Variants in FMN2 observed in about 807,000 individuals in gnomAD.
The protein encoded by FMN2 is formin-2.
FMN2 carries 51 observed loss-of-function variants against 142.3 expected under a neutral mutation model. That is an observed-to-expected ratio of 0.36 (90% CI 0.29 to 0.45). The LOEUF (loss-of-function observed/expected upper bound fraction) is 0.45, where lower values mean the gene tolerates loss of function less well. Ranked by LOEUF, FMN2 falls within the 20% of genes least tolerant of loss-of-function variation. FMN2 has a pLI of 1.00. For synonymous variants in FMN2, 882 were observed against 869.8 expected, an observed-to-expected ratio of 1.01 and a Z score of -0.25; for missense variants, 1,936 against 2,122.8, an observed-to-expected ratio of 0.91 and a Z score of 1.73.
intron 1 of FMN2, among the ~76,000 whole-genome samples, chr1:240,096,489 A>G (rs367998822): frequency 6.6e-5 from 10 of 152,156 alleles, no homozygotes; most frequent in Non-Finnish European, 1.5e-4. Flanking sequence ...TCTTCATGTC[A>G]TCTGCCACTA....
chr1:240,399,988 A>G (rs1673918294), intron 15 of FMN2, among the ~76,000 whole-genome samples: 1 of 152,226 alleles, frequency 6.6e-6, no homozygotes, highest in Non-Finnish European at 1.5e-5. Context: ...TGTTTGGAAC[A>G]GAACATGAAG....
chr1:240,092,397 T>A lies in FMN2; in HGVS notation c.288T>A (p.Asp96Glu). 3.7e-6 allele frequency: 6 copies of A among 1,612,652 alleles called. No homozygotes were observed. Among genetic ancestry groups the A allele is most frequent in the Non-Finnish European group, 5.1e-6 (6 of 1,179,672 alleles). ...KGKGAGGSRE[D>E]VLDSQALQTG... Reference sequence around the variant, plus strand: ...AAGGCGCCGGCGGCTCCCGCGAAGATGTACTGGATTCCCAGGCCCTGCAGA... The same window carrying A: ...AAGGCGCCGGCGGCTCCCGCGAAGAAGTACTGGATTCCCAGGCCCTGCAGA... Residue 96 changes from aspartate to glutamate, a missense_variant, in exon 1 of 18, where the codon GAT becomes GAA. Physicochemically the swap from Asp to Glu is conservative, Grantham distance 45 (BLOSUM62 2). Transcript: ENST00000319653.
intron 7 of FMN2, among the ~76,000 whole-genome samples, chr1:240,294,447 G>C (rs1393635794): frequency 6.6e-6 from 1 of 152,188 alleles, no homozygotes; most frequent in Non-Finnish European, 1.5e-5. Context: ...ATATACTGGT[G>C]AATTTAAGCA....
intron 2 of FMN2, chr1:240,170,480 C>G (rs1664657498): frequency 1.4e-6 from 2 of 1,450,036 alleles, no homozygotes; most frequent in Non-Finnish European, 1.9e-6. Context: ...CAAATTTTGT[C>G]TAAATCCTAA....
chr1:240,131,107 A>G (rs1168507998), intron 2 of FMN2, among the ~76,000 whole-genome samples: 2 of 152,232 alleles, frequency 1.3e-5, no homozygotes, highest in Admixed American at 1.3e-4. Flanking sequence ...GCTTAGGTAA[A>G]TGGCTGGATT....
chr1:240,144,301 C>T lies in FMN2; in HGVS notation c.1782+20956C>T, dbSNP rs1571978781. 5.0e-6 allele frequency: 8 copies of T among 1,607,312 alleles called. No homozygotes were observed. In the East Asian group the frequency reaches 1.8e-4, roughly 36 times the overall value. ...CAGAGTCCACCTGAGAGCCACTGCC[C>T]CCAAACCTGTTGTTCTCTAGGTGGG... On this transcript the variant is annotated intron_variant, in intron 2 of 17. Transcript: ENST00000319653.
At chr1:240,159,925 ATATATATTTGTGTATATATATATATC>A (rs1664199857) in intron 2 of FMN2, among the ~76,000 whole-genome samples, 1 of 127,016 alleles carries the variant, frequency 7.9e-6, no homozygotes, top group Non-Finnish European at 1.6e-5. Flanking sequence ...ATATATATAT[ATATATATTTGTGTATATATATATATC>A]TATATCTGTG....
At chr1:240,328,832 C>A (rs1367387592) in intron 8 of FMN2, among the ~76,000 whole-genome samples, 6 of 152,136 alleles carry the variant, frequency 3.9e-5, no homozygotes, top group Non-Finnish European at 8.8e-5. Context: ...CTCAGGTGAT[C>A]CGCCCGCCTT....
chr1:240,415,174 G>C (rs1035419683), intron 15 of FMN2, among the ~76,000 whole-genome samples: 1 of 152,076 alleles, frequency 6.6e-6, no homozygotes, highest in Non-Finnish European at 1.5e-5. Flanking sequence ...AAGAAAATGT[G>C]GCACATTTAC....
At chr1:240,175,084 G>A (rs1042108356) in intron 2 of FMN2, among the ~76,000 whole-genome samples, 3 of 152,106 alleles carry the variant, frequency 2.0e-5, no homozygotes, top group African/African-American at 7.2e-5. Context: ...TACGGTATTC[G>A]TCTGTTTGTA....
At chr1:240,351,029 C>A (rs1029934511) in intron 13 of FMN2, among the ~76,000 whole-genome samples, 7 of 152,106 alleles carry the variant, frequency 4.6e-5, no homozygotes, top group Admixed American at 4.6e-4. Flanking sequence ...GGTAATACAG[C>A]AAAGTGAGTA....
chr1:240,105,100 CTTTTTTTTTTTTT>C (rs57841541), intron 1 of FMN2, among the ~76,000 whole-genome samples: 2 of 72,988 alleles, frequency 2.7e-5, no homozygotes, highest in Admixed American at 1.8e-4. Flanking sequence ...GTTTATGCTT[CTTTTTTTTTTTTT>C]TTTTTTTTTT....
chr1:240,398,646 C>T (rs1188083933), intron 15 of FMN2, among the ~76,000 whole-genome samples: 5 of 152,140 alleles, frequency 3.3e-5, no homozygotes, highest in Non-Finnish European at 7.3e-5. Flanking sequence ...TCCTATGTAA[C>T]CGGGGCAACA....
intron 7 of FMN2, among the ~76,000 whole-genome samples, chr1:240,258,586 A>G (rs1668527023): frequency 6.6e-6 from 1 of 152,154 alleles, no homozygotes; most frequent in African/African-American, 2.4e-5. Flanking sequence ...GTACCTTCAC[A>G]TGGGAGTGAG....
intron 14 of FMN2, among the ~76,000 whole-genome samples, chr1:240,364,592 T>C (rs1288960104): frequency 1.3e-5 from 2 of 152,306 alleles, no homozygotes; most frequent in Middle Eastern, 3.4e-3. Flanking sequence ...GAGGGTTAGA[T>C]TTCCAGCAGC....
intron 8 of FMN2, among the ~76,000 whole-genome samples, chr1:240,318,821 G>A (rs1670875269): frequency 6.6e-6 from 1 of 152,088 alleles, no homozygotes; most frequent in South Asian, 2.1e-4. Flanking sequence ...CAGTGGAGGT[G>A]GATCTGAGAC....
chr1:240,420,133 G>C lies in FMN2; in HGVS notation c.4911-17928G>C, dbSNP rs560257493. ...CAGCTCTGCAACCTCTTCCTACAGA[G>C]AAGAGCTCCAACTGCACTGTTCAGT... is the stretch of plus-strand genomic sequence containing the variant. On this transcript the variant is annotated intron_variant, in intron 15 of 17. Coordinates refer to ENST00000319653, the MANE Select transcript of FMN2 (RefSeq NM_020066.5). Among the ~76,000 whole-genome samples the C allele has an allele frequency of 4.1e-4, 62 of 152,246 alleles. 1 individual carries two copies. Among genetic ancestry groups the C allele is most frequent in the Admixed American group, 4.1e-3 (62 of 15,296 alleles).
At chr1:240,324,559 G>T (rs1178920075) in intron 8 of FMN2, among the ~76,000 whole-genome samples, 1 of 151,976 alleles carries the variant, frequency 6.6e-6, no homozygotes, top group East Asian at 1.9e-4. Context: ...TACCTAAGTG[G>T]CTGAGGCATG....
At chr1:240,290,846 A>C (rs1669761877) in intron 7 of FMN2, among the ~76,000 whole-genome samples, 1 of 136,952 alleles carries the variant, frequency 7.3e-6, no homozygotes, top group Non-Finnish European at 1.5e-5. Context: ...GCTGGAGTAC[A>C]GAGGCATGAT....
Sources: gnomAD v4.1 joint callset for allele counts (sites outside exome capture counted in the v4.1 genomes callset) on GRCh38, gnomAD v4.1.1 for gene constraint, MANE v1.5 for transcripts, NCBI Gene and HGNC (gene_info 2026-07-23, HGNC 2026-07-21) for gene names.